Variants in CDYL2 observed in about 807,000 individuals in gnomAD.
CDYL2 encodes chromodomain Y like 2, also known as chromodomain Y-like protein 2.
CDYL2 carries 23 observed loss-of-function variants against 49.4 expected under a neutral mutation model. The ratio of observed to expected loss-of-function variants is 0.47; its 90% CI spans 0.34 to 0.66. The LOEUF is 0.66. Ranked by LOEUF, CDYL2 falls within the 30% of genes least tolerant of loss-of-function variation. CDYL2 has a pLI of 0.01. For synonymous variants in CDYL2, 360 were observed against 268.8 expected (o/e 1.34, Z -3.32); for missense variants, 678 against 656.4 (o/e 1.03, Z -0.36).
At chr16:80,745,624 T>C (rs1905901185) in intron 1 of CDYL2, among the ~76,000 whole-genome samples, 1 of 152,208 alleles carries the variant, frequency 6.6e-6, no homozygotes, top group Non-Finnish European at 1.5e-5. Context: ...TCAGCTGTTA[T>C]AATTATTGTT....
At chr16:80,664,119 T>C (rs1033144617) in intron 2 of CDYL2, among the ~76,000 whole-genome samples, 2 of 152,272 alleles carry the variant, frequency 1.3e-5, no homozygotes, top group East Asian at 1.9e-4. Flanking sequence ...TTTATCACCT[T>C]TTCTTGCAAC....
At chr16:80,753,545 T>C (rs1239973551) in intron 1 of CDYL2, among the ~76,000 whole-genome samples, 1 of 152,022 alleles carries the variant, frequency 6.6e-6, no homozygotes, top group East Asian at 1.9e-4. Flanking sequence ...GAGGTGAAGG[T>C]TGTGATGAGC....
chr16:80,746,102 C>G (rs963248829), intron 1 of CDYL2, among the ~76,000 whole-genome samples: 1 of 152,090 alleles, frequency 6.6e-6, no homozygotes, highest in Non-Finnish European at 1.5e-5. Context: ...TAGCTCTGTT[C>G]CCGAGACCTT....
chr16:80,674,874 T>A (rs948542217), intron 2 of CDYL2, among the ~76,000 whole-genome samples: 5 of 152,252 alleles, frequency 3.3e-5, no homozygotes, highest in African/African-American at 4.8e-5. Context: ...AGCATTGAAA[T>A]AAACTTTGAC....
chr16:80,674,518 T>C (rs959965428), intron 2 of CDYL2, among the ~76,000 whole-genome samples: 3 of 152,238 alleles, frequency 2.0e-5, no homozygotes, highest in Non-Finnish European at 2.9e-5. Flanking sequence ...TGATTTTTAG[T>C]GTGACTTGCA....
intron 2 of CDYL2, among the ~76,000 whole-genome samples, chr16:80,663,823 GCTCA>G (rs1267867777): frequency 6.6e-6 from 1 of 152,178 alleles, no homozygotes; most frequent in African/African-American, 2.4e-5. Context: ...GAATTCCTGA[GCTCA>G]GGCAATCCAC....
chr16:80,659,888 C>T (rs1908971454), intron 2 of CDYL2, among the ~76,000 whole-genome samples: 1 of 151,718 alleles, frequency 6.6e-6, no homozygotes, highest in South Asian at 2.1e-4. Flanking sequence ...AAGTACCAAG[C>T]AGGACACACA....
At chr16:80,693,377 G>A (rs1451608452) in intron 1 of CDYL2, among the ~76,000 whole-genome samples, 1 of 151,972 alleles carries the variant, frequency 6.6e-6, no homozygotes, top group Non-Finnish European at 1.5e-5. Context: ...ATGGAAATAA[G>A]GTCTATATTG....
At chr16:80,742,207 C>G (rs1350475917) in intron 1 of CDYL2, 3 of 152,224 alleles carry the variant, frequency 2.0e-5, no homozygotes, top group Non-Finnish European at 2.9e-5. Flanking sequence ...AGACTCTTAA[C>G]CACTAAGATG....
In CDYL2 at chr16:80,620,836, C is replaced by G; in HGVS notation, c.934G>C (p.Asp312His). 2 of 1,613,654 alleles carry G rather than the reference C, an allele frequency of 1.2e-6. No individual in the cohort carries two copies. Among genetic ancestry groups the G allele is most frequent in the Non-Finnish European group, 1.7e-6 (2 of 1,179,608 alleles). Residue 312 changes from aspartate (D) to histidine (H), a missense_variant, in exon 4 of 7, where the codon GAT (aspartate) becomes CAT (histidine). Asp to His is a moderately conservative substitution (Grantham distance 81). Coordinates refer to ENST00000570137, the MANE Select transcript of CDYL2 (RefSeq NM_152342.4). ...AACCGGCCAATTAGGTAGGAATAAT[C>G]CAGGCCGCTGCAGAACACGCTCCCC... ...AVGSVFCSGL[D>H]YSYLIGRLSS...
intron 2 of CDYL2, among the ~76,000 whole-genome samples, chr16:80,672,510 G>C (rs1207665090): frequency 1.1e-5 from 1 of 94,512 alleles, no homozygotes; most frequent in Non-Finnish European, 2.6e-5. Context: ...AGGAAAGAAG[G>C]AAAGAAGCAA....
At chr16:80,781,646 C>G (rs186305736) in intron 1 of CDYL2, among the ~76,000 whole-genome samples, 6 of 152,014 alleles carry the variant, frequency 3.9e-5, no homozygotes, top group African/African-American at 1.4e-4. Flanking sequence ...ACAAGACAGG[C>G]TTTAATAAAC....
At chr16:80,682,644 G>A (rs1190944469) in intron 2 of CDYL2, among the ~76,000 whole-genome samples, 1 of 152,214 alleles carries the variant, frequency 6.6e-6, no homozygotes, top group Non-Finnish European at 1.5e-5. Flanking sequence ...AGCAGGGCAG[G>A]GAGCTGCTAA....
At chr16:80,687,367 T>C (rs1910237535) in intron 1 of CDYL2, among the ~76,000 whole-genome samples, 1 of 151,672 alleles carries the variant, frequency 6.6e-6, no homozygotes, top group South Asian at 2.1e-4. Flanking sequence ...AATGGATGAG[T>C]GCGTGGGTGG....
intron 1 of CDYL2, chr16:80,742,425 T>C (rs1261087904): frequency 6.6e-6 from 1 of 150,542 alleles, no homozygotes; most frequent in Admixed American, 6.6e-5. Context: ...AATGGTTGAG[T>C]GGGTAGAAGG....
chr16:80,804,933 C>A (rs1908055904), upstream of CDYL2, among the ~76,000 whole-genome samples: 1 of 152,066 alleles, frequency 6.6e-6, no homozygotes, highest in African/African-American at 2.4e-5. Flanking sequence ...GTGGACGCCG[C>A]CTGGGAGACC....
rs1230962078 is a variant in CDYL2, at chr16:80,612,085, G to A, written c.1218+541C>T. On this transcript the variant is annotated intron_variant, in intron 5 of 6. Transcript: ENST00000570137. The surrounding 1 kb of genome is among the most constrained non-coding windows in gnomAD (Gnocchi z 5.0). ...GCGTCTCCCGGCCTCCCTTGCAGGC[G>A]CATGTGACCAGAAGCTGAGTCATGG... is the stretch of plus-strand genomic sequence containing the variant. Among the ~76,000 whole-genome samples, 6 of 152,196 alleles carry A rather than the reference G, an allele frequency of 3.9e-5. No homozygotes were observed. Among genetic ancestry groups the A allele is most frequent in the East Asian group, 1.9e-4 (1 of 5,194 alleles).
chr16:80,630,531 G>C (rs1405783218), intron 3 of CDYL2, among the ~76,000 whole-genome samples: 2 of 152,178 alleles, frequency 1.3e-5, no homozygotes, highest in African/African-American at 4.8e-5. Context: ...GAGGTTTCCA[G>C]GTGTATAAAC....
intron 1 of CDYL2, among the ~76,000 whole-genome samples, chr16:80,711,196 C>A (rs551277814): frequency 6.6e-6 from 1 of 152,340 alleles, no homozygotes; most frequent in Admixed American, 6.5e-5. Flanking sequence ...TCAAGCGGCG[C>A]TGTTACCAGG....
Sources: gnomAD v4.1 joint callset for allele counts (sites outside exome capture counted in the v4.1 genomes callset) on GRCh38, gnomAD v4.1.1 for gene constraint, Gnocchi (gnomAD v3.1) non-coding constraint, MANE v1.5 for transcripts, NCBI Gene and HGNC (gene_info 2026-07-23, HGNC 2026-07-21) for gene names.